The following PPP1R37 variants were observed in gnomAD, a reference collection of about 807,000 sequenced individuals.
The protein encoded by PPP1R37 is protein phosphatase 1 regulatory subunit 37, also known as leucine rich repeat containing 68.
Under a neutral mutation model 61.0 loss-of-function variants are expected in PPP1R37, and 21 were observed. The ratio of observed to expected loss-of-function variants is 0.34; its 90% CI spans 0.24 to 0.50. The LOEUF is 0.50. Among genes scored for constraint, PPP1R37 ranks in the 20% least tolerant of loss-of-function variants. PPP1R37 has a pLI of 0.98. For missense variants in PPP1R37, 910 were observed against 952.7 expected, an observed-to-expected ratio of 0.96 and a Z score of 0.59; for synonymous variants, 443 against 433.5, an observed-to-expected ratio of 1.02 and a Z score of -0.27.
intron 1 of PPP1R37, among the ~76,000 whole-genome samples, chr19:45,127,218 G>A (rs1435248801): frequency 9.2e-5 from 14 of 152,016 alleles, no homozygotes; most frequent in East Asian, 3.9e-4. Flanking sequence ...GCGTGGTGGC[G>A]TGTGCCTGTA....
intron 1 of PPP1R37, among the ~76,000 whole-genome samples, chr19:45,136,667 G>A (rs1034588281): frequency 1.3e-5 from 2 of 152,208 alleles, no homozygotes; most frequent in Non-Finnish European, 2.9e-5. Context: ...CCCCCAAGGA[G>A]GAGGAAGTGC....
chr19:45,142,675 G>A lies in PPP1R37; in HGVS notation c.874+217G>A, dbSNP rs61712147. 2,185 of 544,902 alleles carry A rather than the reference G, an allele frequency of 4.0e-3. 40 individuals are homozygous for A. The highest frequency in any genetic ancestry group is 0.037 in the African/African-American group (1,935 of 52,540). The allele number at this position is 544,902 out of a possible 1,614,324, so 33.8% of individuals were successfully genotyped here. On this transcript the variant is annotated intron_variant, in intron 7 of 12. Coordinates refer to ENST00000221462, the MANE Select transcript of PPP1R37 (RefSeq NM_019121.2). Reference sequence around the variant, plus strand: ...CCCAGAGGCGGGGTCCGATCAGTCTGGGGGCCAGGGAGGGCTTCCAGGAGG... The same window carrying A: ...CCCAGAGGCGGGGTCCGATCAGTCTAGGGGCCAGGGAGGGCTTCCAGGAGG...
chr19:45,128,542 G>A (rs141418335), intron 1 of PPP1R37: 56 of 1,196,294 alleles, frequency 4.7e-5, no homozygotes, highest in African/African-American at 4.4e-4. Flanking sequence ...GTGTGTTTGC[G>A]AGAGCTGGAA....
chr19:45,100,246 T>C (rs952053065), intron 1 of PPP1R37: 2 of 152,204 alleles, frequency 1.3e-5, no homozygotes, highest in Non-Finnish European at 2.9e-5. Flanking sequence ...GTGGCTGGCA[T>C]TGACCTCAAA....
intron 1 of PPP1R37, among the ~76,000 whole-genome samples, chr19:45,108,266 G>A (rs1692420603): frequency 6.6e-6 from 1 of 152,072 alleles, no homozygotes; most frequent in Non-Finnish European, 1.5e-5. Context: ...CTGGAGTGCA[G>A]TGGCGTGATC....
chr19:45,093,613 G>T, intron 1 of PPP1R37, 86 bp downstream of exon 1: 1 of 1,031,756 alleles, frequency 9.7e-7, no homozygotes, highest in Middle Eastern at 2.1e-4. Context: ...TCGAGGTGGC[G>T]TTCAATAGAT....
chr19:45,102,713 G>A (rs1968080373), intron 1 of PPP1R37, among the ~76,000 whole-genome samples: 1 of 152,256 alleles, frequency 6.6e-6, no homozygotes, highest in Non-Finnish European at 1.5e-5. Flanking sequence ...TTCCCCATTT[G>A]TGAAGCCATT....
rs1338042662 is a variant in PPP1R37 at position 45,146,722 on chromosome 19, G to A, written c.*160G>A. 2 of 478,750 alleles carry A rather than the reference G, an allele frequency of 4.2e-6. No individual in the cohort carries two copies. Among genetic ancestry groups the A allele is most frequent in the Non-Finnish European group, 7.7e-6 (2 of 260,462 alleles). 29.7% of individuals were successfully genotyped at this position (478,750 alleles called of 1,614,324 possible). On this transcript the variant is annotated 3_prime_UTR_variant, in exon 13 of 13. Transcript: ENST00000221462. ...CACAGCAACACTACAAGGGGTGCAG[G>A]AGCTACAGGGAGTGGCCCTCCGCGC...
intron 1 of PPP1R37, chr19:45,128,675 G>A: frequency 6.7e-6 from 8 of 1,195,662 alleles, no homozygotes; most frequent in South Asian, 2.5e-5. Flanking sequence ...TCAAAGGCTG[G>A]CCCTGTAAGG....
At chr19:45,110,955 G>A (rs953617960) in intron 1 of PPP1R37, among the ~76,000 whole-genome samples, 2 of 152,194 alleles carry the variant, frequency 1.3e-5, no homozygotes, top group Non-Finnish European at 1.5e-5. Flanking sequence ...AATGTCTACC[G>A]ATGAGTGCTG....
intron 1 of PPP1R37, among the ~76,000 whole-genome samples, chr19:45,094,584 G>T (rs948996639): frequency 6.6e-6 from 1 of 152,132 alleles, no homozygotes; most frequent in Non-Finnish European, 1.5e-5. Context: ...GAAATTGGCC[G>T]GGCATAGTGG....
intron 1 of PPP1R37, among the ~76,000 whole-genome samples, chr19:45,114,780 C>CG (rs1491534352): frequency 2.6e-5 from 4 of 151,480 alleles, no homozygotes; most frequent in African/African-American, 9.7e-5. Context: ...ACCCCCCCCC[C>CG]CATCTCCACA....
chr19:45,126,166 A>G (rs1423307071), intron 1 of PPP1R37, among the ~76,000 whole-genome samples: 1 of 152,220 alleles, frequency 6.6e-6, no homozygotes, highest in Non-Finnish European at 1.5e-5. Flanking sequence ...ACCTGCCATG[A>G]GACTCCCAAC....
In PPP1R37 at chr19:45,093,247, G is replaced by T. The variant is rs962419270; in HGVS notation, c.-79G>T. 1 of 1,174,914 alleles carries T rather than the reference G, an allele frequency of 8.5e-7. No individual in the cohort carries two copies. The highest frequency in any genetic ancestry group is 1.6e-5 in the African/African-American group (1 of 61,714). The allele number at this position is 1,174,914 out of a possible 1,614,324, so 72.8% of individuals were successfully genotyped here. A position where few individuals can be genotyped will look rare whatever the true frequency, so the allele number is the denominator to read the frequency against. ...AGCGGCGGCGGAGCCCATGCCCCGG[G>T]ACGGCGGGCGGACCCGGAGAGACAA... On this transcript the variant is annotated 5_prime_UTR_variant, in exon 1 of 13. Transcript: ENST00000221462.
chr19:45,125,012 G>A (rs540853016), intron 1 of PPP1R37, among the ~76,000 whole-genome samples: 7 of 152,062 alleles, frequency 4.6e-5, no homozygotes, highest in Non-Finnish European at 8.8e-5. Context: ...GAGGCAAGAC[G>A]GAATTCTCCT....
At chr19:45,106,743 C>T (rs1002816005) in intron 1 of PPP1R37, among the ~76,000 whole-genome samples, 13 of 150,020 alleles carry the variant, frequency 8.7e-5, no homozygotes, top group African/African-American at 2.7e-4. Context: ...GGATTTGCAC[C>T]GGGTTGCTCA....
chr19:45,144,690 G>A, intron 8 of PPP1R37, 164 bp from the exon 9 acceptor site: 1 of 612,564 alleles, frequency 1.6e-6, no homozygotes, highest in Non-Finnish European at 2.7e-6. Flanking sequence ...GGGACTTCAG[G>A]CCAGGCCTGC....
intron 1 of PPP1R37, among the ~76,000 whole-genome samples, chr19:45,113,641 G>C (rs1968229027): frequency 6.6e-6 from 1 of 152,258 alleles, no homozygotes; most frequent in East Asian, 1.9e-4. Flanking sequence ...CTGAGGAACA[G>C]AGTTACTTGG....
chr19:45,106,248 G>GT (rs796161917), intron 1 of PPP1R37, among the ~76,000 whole-genome samples: 90 of 149,926 alleles, frequency 6.0e-4, no homozygotes, highest in Middle Eastern at 3.4e-3. Context: ...TTTTGTTTTT[G>GT]TTTTTTTTTT....
Sources: gnomAD v4.1 joint callset for allele counts (sites outside exome capture counted in the v4.1 genomes callset) on GRCh38, gnomAD v4.1.1 for gene constraint, MANE v1.5 for transcripts, NCBI Gene and HGNC (gene_info 2026-07-23, HGNC 2026-07-21) for gene names.